KLHDC4: variants seen among roughly 807,000 people sequenced by gnomAD.
KLHDC4 encodes the protein kelch domain-containing protein 4.
In KLHDC4, 90 loss-of-function variants were observed where a neutral mutation model predicts 62.4. The ratio of observed to expected loss-of-function variants is 1.44; its 90% CI spans 1.22 to 1.72. KLHDC4 has a LOEUF of 1.72. Among genes scored for constraint, KLHDC4 ranks in the 40% most tolerant of loss-of-function variants. The probability of loss-of-function intolerance (pLI) is 0.00; values close to 1 mark genes in which losing one functional copy is unlikely to be tolerated. For missense variants in KLHDC4, 1,025 were observed against 699.7 expected (o/e 1.47, Z -5.25); for synonymous variants, 386 against 284.4 (o/e 1.36, Z -3.59).
intron 3 of KLHDC4, chr16:87,755,535 G>A (rs1181535471): frequency 3.0e-6 from 1 of 335,742 alleles, no homozygotes; most frequent in Non-Finnish European, 5.6e-6. Context: ...GTTGTTATTA[G>A]GACTGGTCAT....
At chr16:87,757,045 C>A (rs1231676728) in intron 2 of KLHDC4, among the ~76,000 whole-genome samples, 5 of 151,976 alleles carry the variant, frequency 3.3e-5, no homozygotes, top group Non-Finnish European at 7.4e-5. Flanking sequence ...AAACTCCGGA[C>A]CTCAAGTGAT....
At chr16:87,740,451 C>G (rs890586254) in intron 5 of KLHDC4, 1 of 152,304 alleles carries the variant, frequency 6.6e-6, no homozygotes, top group Non-Finnish European at 1.5e-5. Context: ...GCTCCAGAGC[C>G]TAATGCTGGG....
At chr16:87,714,372 A>C (rs2036508311) in intron 8 of KLHDC4, 126 bp downstream of exon 8, 4 of 566,688 alleles carry the variant, frequency 7.1e-6, no homozygotes, top group South Asian at 4.4e-5. Flanking sequence ...CCATCTCGGC[A>C]GGCCCTCCGC....
chr16:87,748,474 C>G (rs545005793), intron 5 of KLHDC4, among the ~76,000 whole-genome samples, 199 bp downstream of exon 5: 2 of 152,260 alleles, frequency 1.3e-5, no homozygotes, highest in Admixed American at 6.5e-5. Context: ...AGCTGGCACC[C>G]CCCACACCCG....
Position 87,700,796 on chromosome 16 carries a change from CA to C in KLHDC4, c.*842del. 2.4e-5 allele frequency: 3 copies of C among 122,562 alleles called. No individual in the cohort carries two copies. The Admixed American group carries it at 4.5e-4, about 18-fold the overall frequency. 7.6% of individuals were successfully genotyped at this position (122,562 alleles called of 1,614,324 possible). A position where few individuals can be genotyped will look rare whatever the true frequency, so the allele number is the denominator to read the frequency against. ...AGGGCGGAGGGAGGAGGTTGGAGGG[CA>C]GAGGGGAGGAGGTTGCAGGGCAGAG... is the stretch of plus-strand genomic sequence containing the variant. On this transcript the variant is annotated 3_prime_UTR_variant, in exon 1 of 1. Coordinates refer to the KLHDC4 transcript ENST00000446344.
At chr16:87,732,102 T>TG (rs58784569) in intron 5 of KLHDC4, among the ~76,000 whole-genome samples, 20 of 149,812 alleles carry the variant, frequency 1.3e-4, no homozygotes, top group African/African-American at 4.2e-4. Context: ...TATTTCTTTT[T>TG]TTTTTTTTTT....
At chr16:87,719,941 C>T (rs892483474) in intron 7 of KLHDC4, among the ~76,000 whole-genome samples, 3 of 152,198 alleles carry the variant, frequency 2.0e-5, no homozygotes, top group Non-Finnish European at 4.4e-5. Flanking sequence ...AACGGGCCCC[C>T]ACCTCCCGCA....
exon 1 of KLHDC4, chr16:87,698,593 G>A (rs1277153631): frequency 6.6e-6 from 1 of 152,274 alleles, no homozygotes; most frequent in Admixed American, 6.5e-5. Context: ...ACCAAGGCGA[G>A]AACGGCCCCT....
intron 4 of KLHDC4, among the ~76,000 whole-genome samples, chr16:87,752,716 A>G (rs1487849182): frequency 6.6e-6 from 1 of 152,146 alleles, no homozygotes; most frequent in Non-Finnish European, 1.5e-5. Context: ...GACCACCCAA[A>G]GGCAGGCTGA....
At chr16:87,702,427 G>A (rs534109849) in exon 1 of KLHDC4, 9 of 369,610 alleles carry the variant, frequency 2.4e-5, no homozygotes, top group East Asian at 7.3e-5. Context: ...GGGAACCCCC[G>A]GCTTTCTCGC....
In KLHDC4 at chr16:87,761,959, G is replaced by A; in HGVS notation, c.181C>T (p.Pro61Ser). 1.2e-6 allele frequency: 2 copies of A among 1,613,772 alleles called. No homozygotes were observed. The highest frequency in any genetic ancestry group is 1.7e-6 in the Non-Finnish European group (2 of 1,179,868). Residue 61 changes from proline to serine, a missense_variant, in exon 2 of 12, where the codon CCC becomes TCC. Transcript: ENST00000270583. ...ATGCTACTTGCTCACCTTGGTGAGG[G>A]TGGGGGGCACGGAAGTTCCACAGTC... ...TQTVELPCPP[P>S]SPRLNASLSV...
chr16:87,704,096 G>T (rs182170910), downstream of KLHDC4, among the ~76,000 whole-genome samples: 17 of 152,178 alleles, frequency 1.1e-4, no homozygotes, highest in Non-Finnish European at 1.9e-4. Context: ...ACCATCCCCC[G>T]CTCCTTCTGG....
intron 5 of KLHDC4, 131 bp from the exon 6 acceptor site, chr16:87,730,775 A>T: frequency 1.4e-6 from 1 of 728,218 alleles, no homozygotes; most frequent in Non-Finnish European, 2.3e-6. Flanking sequence ...TCACAAATTA[A>T]ATACCATTTA....
chr16:87,758,636 G>GC lies in KLHDC4; in HGVS notation c.192-2160dup, dbSNP rs140574248. ...TACAATGGAAGAAGAATTGTCTCGG[G>GC]CCACGCATAAAATACACTAACACTA... On this transcript the variant is annotated intron_variant, in intron 2 of 11. Coordinates refer to ENST00000270583, the MANE Select transcript of KLHDC4 (RefSeq NM_017566.4). Among the ~76,000 whole-genome samples, 747 of 152,150 alleles carry GC rather than the reference G, an allele frequency of 4.9e-3. 6 individuals are homozygous for GC. The highest frequency in any genetic ancestry group is 0.018 in the African/African-American group (732 of 41,478).
intron 7 of KLHDC4, among the ~76,000 whole-genome samples, chr16:87,715,612 A>G (rs2036804189): frequency 6.6e-6 from 1 of 152,060 alleles, no homozygotes; most frequent in African/African-American, 2.4e-5. Flanking sequence ...AGTTTTATAG[A>G]GTGCCCCTCT....
chr16:87,706,678 G>C (rs924916555), downstream of KLHDC4, among the ~76,000 whole-genome samples: 1 of 152,232 alleles, frequency 6.6e-6, no homozygotes, highest in African/African-American at 2.4e-5. Flanking sequence ...CTTGGGGCCA[G>C]TTCAAGTGCC....
At chr16:87,714,118 C>T (rs1478472998) in intron 8 of KLHDC4, among the ~76,000 whole-genome samples, 1 of 152,132 alleles carries the variant, frequency 6.6e-6, no homozygotes, top group African/African-American at 2.4e-5. Flanking sequence ...CCAGGCAGCC[C>T]CAGTGACTCC....
chr16:87,749,621 T>C (rs544091521), intron 4 of KLHDC4, among the ~76,000 whole-genome samples: 12 of 152,086 alleles, frequency 7.9e-5, no homozygotes, highest in Admixed American at 5.2e-4. Context: ...TCTTGCTCTA[T>C]TGCCCAGACT....
Position 87,765,936 on chromosome 16 carries a change from C to T in KLHDC4, c.-46G>A, listed in dbSNP as rs1161137706. The T allele has an allele frequency of 1.4e-5, 21 of 1,523,952 alleles. No homozygotes were observed. In the Admixed American group the frequency reaches 3.9e-4, roughly 29 times the overall value. 94.4% of individuals were successfully genotyped at this position (1,523,952 alleles called of 1,614,324 possible). ...GACGGGACACCAGGAAAGAAAACGG[C>T]CCGCGCTCTCCGCTCGGAAACAGGT... On this transcript the variant is annotated 5_prime_UTR_variant, in exon 1 of 12. Coordinates refer to ENST00000270583, the MANE Select transcript of KLHDC4 (RefSeq NM_017566.4).
Sources: gnomAD v4.1 joint callset for allele counts (sites outside exome capture counted in the v4.1 genomes callset) on GRCh38, gnomAD v4.1.1 for gene constraint, MANE v1.5 for transcripts, NCBI Gene and HGNC (gene_info 2026-07-23, HGNC 2026-07-21) for gene names.